PSMD7: variants seen among roughly 807,000 people sequenced by gnomAD.
The protein encoded by PSMD7 is proteasome 26S subunit, non-ATPase 7, also known as 26S proteasome non-ATPase regulatory subunit 7.
PSMD7 carries 13 observed loss-of-function variants against 36.4 expected under a neutral mutation model. The observed-to-expected ratio is 0.36, with a 90% CI of 0.23 to 0.57. The LOEUF (loss-of-function observed/expected upper bound fraction) is 0.57. Ranked by LOEUF, PSMD7 falls within the 20% of genes least tolerant of loss-of-function variation. The probability of loss-of-function intolerance (pLI) is 0.83; values close to 1 mark genes in which losing one functional copy is unlikely to be tolerated. For synonymous variants in PSMD7, 186 were observed against 151.0 expected, an observed-to-expected ratio of 1.23 and a Z score of -1.70; for missense variants, 298 against 393.6, an observed-to-expected ratio of 0.76 and a Z score of 2.06.
intron 2 of PSMD7, 113 bp from the exon 3 acceptor site, chr16:74,300,939 C>T (rs2142563027): frequency 1.8e-6 from 1 of 541,178 alleles, no homozygotes; most frequent in Non-Finnish European, 3.2e-6. Context: ...TAATACTTTG[C>T]TGGGCAAGTG....
chr16:74,301,764 A>G, intron 4 of PSMD7, 112 bp downstream of exon 4: 1 of 801,678 alleles, frequency 1.2e-6, no homozygotes, highest in South Asian at 1.6e-5. Flanking sequence ...CTTTATCTCC[A>G]TAAACTTCTG....
Position 74,297,005 on chromosome 16 carries a change from T to C in PSMD7, c.74+17T>C, listed in dbSNP as rs1261503317. 3 of 1,607,814 alleles carry C rather than the reference T, an allele frequency of 1.9e-6. No homozygotes were observed. Among genetic ancestry groups the C allele is most frequent in the Admixed American group, 3.4e-5 (2 of 59,032 alleles). On this transcript the variant is annotated intron_variant, in intron 1 of 6. Coordinates refer to ENST00000219313, the MANE Select transcript of PSMD7 (RefSeq NM_002811.5). ...TTTCAACCGGTGAGCGAGCGCCCTA[T>C]AGCTGGGCCGGCGGCGCAGCCGCTG...
intron 1 of PSMD7, 26 bp downstream of exon 1, chr16:74,297,014 C>A: frequency 6.2e-7 from 1 of 1,602,960 alleles, no homozygotes. Flanking sequence ...ATAGCTGGGC[C>A]GGCGGCGCAG....
chr16:74,305,256 T>C (rs1220582359), intron 6 of PSMD7, 33 bp from the exon 7 acceptor site: 2 of 1,569,666 alleles, frequency 1.3e-6, no homozygotes, highest in Admixed American at 3.5e-5. Context: ...CCTGATGCCT[T>C]TTCCTGCCCT....
chr16:74,299,946 C>A (rs1011627434), intron 1 of PSMD7, among the ~76,000 whole-genome samples, 169 bp from the exon 2 acceptor site: 3 of 152,124 alleles, frequency 2.0e-5, no homozygotes, highest in South Asian at 2.1e-4. Context: ...TTATGAATTA[C>A]CCCTTATAGT....
intron 6 of PSMD7, among the ~76,000 whole-genome samples, chr16:74,304,967 T>C (rs569338994): frequency 8.5e-5 from 13 of 152,350 alleles, no homozygotes; most frequent in Non-Finnish European, 1.8e-4. Flanking sequence ...AGTACAAGGT[T>C]ACCCAGAAAG....
chr16:74,301,547 C>T lies in PSMD7; in HGVS notation c.260-8C>T, dbSNP rs748678044. On this transcript the variant is annotated splice_region_variant and splice_polypyrimidine_tract_variant and intron_variant, in intron 3 of 6. Transcript: ENST00000219313. ...TAGTTAAAGCCTGCTAATTTTTTTC[C>T]TTCCTAGCCAGGGAAAGAATAGTTG... is the stretch of plus-strand genomic sequence containing the variant. The T allele has an allele frequency of 5.6e-6, 9 of 1,597,794 alleles. No individual in the cohort carries two copies. The highest frequency in any genetic ancestry group is 4.4e-5 in the South Asian group (4 of 90,050).
In PSMD7 at chr16:74,300,279, G is replaced by A; in HGVS notation, c.166+73G>A. 3.6e-6 allele frequency: 5 copies of A among 1,375,570 alleles called. No homozygotes were observed. In the Admixed American group the frequency reaches 7.2e-5, roughly 20 times the overall value. The allele number at this position is 1,375,570 out of a possible 1,614,324, so 85.2% of individuals were successfully genotyped here. On this transcript the variant is annotated intron_variant, in intron 2 of 6. Coordinates refer to ENST00000219313, the MANE Select transcript of PSMD7 (RefSeq NM_002811.5). ...TTACCCTTTAAAAATATAAACCTTT[G>A]TTACCGCTTTTGACTACAACCCAGA...
At chr16:74,302,315 T>TG in intron 5 of PSMD7, 23 bp downstream of exon 5, 2 of 1,600,438 alleles carry the variant, frequency 1.2e-6, no homozygotes, top group Non-Finnish European at 1.7e-6. Flanking sequence ...GCTATGAACC[T>TG]GGGAGGTTAG....
chr16:74,296,863 C>T lies in PSMD7; in HGVS notation c.-52C>T, dbSNP rs569562534. 8.2e-6 allele frequency: 13 copies of T among 1,594,240 alleles called. No individual in the cohort carries two copies. The highest frequency in any genetic ancestry group is 6.8e-5 in the Admixed American group (4 of 58,526). The stretch of plus-strand genomic sequence containing the variant: ...AGGGTACCGGTGACCGCTACTGCTG[C>T]CGGTGTTTGCGTGTGGCAGGGAGCC... On this transcript the variant is annotated 5_prime_UTR_variant, in exon 1 of 7. Transcript: ENST00000219313.
intron 2 of PSMD7, chr16:74,300,479 T>C (rs2034147293): frequency 2.2e-6 from 1 of 453,912 alleles, no homozygotes; most frequent in Admixed American, 3.5e-5. Flanking sequence ...AGTGGCAGTA[T>C]TCCAGCAAAC....
chr16:74,305,279 G>T lies in PSMD7; in HGVS notation c.531-10G>T. On this transcript the variant is annotated splice_polypyrimidine_tract_variant and intron_variant, in intron 6 of 6. Coordinates refer to ENST00000219313, the MANE Select transcript of PSMD7 (RefSeq NM_002811.5). ...CTTTTCCTGCCCTTTTTAACTGTGG[G>T]TTATTACAGAGATATCAAAGACACG... The T allele has an allele frequency of 1.9e-6, 3 of 1,599,148 alleles. No individual in the cohort carries two copies. Among genetic ancestry groups the T allele is most frequent in the Non-Finnish European group, 1.7e-6 (2 of 1,171,770 alleles).
intron 5 of PSMD7, 145 bp downstream of exon 5, chr16:74,302,437 A>T (rs1260308883): frequency 1.2e-5 from 8 of 666,238 alleles, no homozygotes; most frequent in Admixed American, 9.1e-5. Context: ...TTTAATCACC[A>T]CATTTTGGAA....
At chr16:74,301,802 C>T (rs1354292634) in intron 4 of PSMD7, 150 bp downstream of exon 4, 3 of 638,480 alleles carry the variant, frequency 4.7e-6, no homozygotes, top group Non-Finnish European at 8.1e-6. Context: ...GTGAAGTATA[C>T]TGTGACCTAA....
chr16:74,305,794 G>A lies in PSMD7; in HGVS notation c.*61G>A. ...AAAATCTTACAAACTAAATCAGTGT[G>A]CTGCTAGAGGGTTCTTTTTCACTTG... is the stretch of plus-strand genomic sequence containing the variant. On this transcript the variant is annotated 3_prime_UTR_variant, in exon 7 of 7. Coordinates refer to ENST00000219313, the MANE Select transcript of PSMD7 (RefSeq NM_002811.5). 2 of 1,385,960 alleles carry A rather than the reference G, an allele frequency of 1.4e-6. No individual in the cohort carries two copies. Among genetic ancestry groups the A allele is most frequent in the Non-Finnish European group, 9.3e-7 (1 of 1,072,844 alleles). 85.9% of individuals were successfully genotyped at this position (1,385,960 alleles called of 1,614,324 possible).
intron 2 of PSMD7, among the ~76,000 whole-genome samples, chr16:74,300,704 A>G (rs1435568909): frequency 1.3e-5 from 2 of 152,246 alleles, no homozygotes; most frequent in East Asian, 1.9e-4. Context: ...CACTAACTCT[A>G]GTGTCTAAAA....
Position 74,305,992 on chromosome 16 carries a change from A to G in PSMD7, c.*259A>G. 1 of 314,502 alleles carries G rather than the reference A, an allele frequency of 3.2e-6. No individual in the cohort carries two copies. Among genetic ancestry groups the G allele is most frequent in the Non-Finnish European group, 5.7e-6 (1 of 174,100 alleles). The allele number at this position is 314,502 out of a possible 1,614,324, so 19.5% of individuals were successfully genotyped here. A position where few individuals can be genotyped will look rare whatever the true frequency, so the allele number is the denominator to read the frequency against. Reference sequence around the variant, plus strand: ...GCTTCAGATTGTATGAGAAAAATGAAGAGAAGTCAACAAATATTTTGGTAC... The same window carrying G: ...GCTTCAGATTGTATGAGAAAAATGAGGAGAAGTCAACAAATATTTTGGTAC... On this transcript the variant is annotated 3_prime_UTR_variant, in exon 7 of 7. Coordinates refer to ENST00000219313, the MANE Select transcript of PSMD7 (RefSeq NM_002811.5).
intron 3 of PSMD7, 149 bp from the exon 4 acceptor site, chr16:74,301,406 T>C: frequency 1.6e-6 from 1 of 642,426 alleles, no homozygotes; most frequent in South Asian, 2.0e-5. Context: ...AAGTCAGTCT[T>C]CCATTAGAGT....
chr16:74,303,043 T>C (rs543291856), intron 5 of PSMD7, among the ~76,000 whole-genome samples: 1 of 152,212 alleles, frequency 6.6e-6, no homozygotes, highest in African/African-American at 2.4e-5. Flanking sequence ...CCTGCCTCTT[T>C]AGAAAAGGAA....
Sources: gnomAD v4.1 joint callset for allele counts (sites outside exome capture counted in the v4.1 genomes callset) on GRCh38, gnomAD v4.1.1 for gene constraint, MANE v1.5 for transcripts, NCBI Gene and HGNC (gene_info 2026-07-23, HGNC 2026-07-21) for gene names.